The following MYBPC2 variants were observed in gnomAD, a reference collection of about 807,000 sequenced individuals.
MYBPC2 encodes myosin binding protein C2, also known as myosin-binding protein C, fast-type.
A neutral mutation model predicts 137.0 loss-of-function variants in MYBPC2; 122 were observed. That is an observed-to-expected ratio of 0.89 (90% confidence interval 0.77 to 1.03). MYBPC2 has a LOEUF of 1.03. Among genes scored for constraint, MYBPC2 ranks in the 50% least tolerant of loss-of-function variants. The pLI, the probability that MYBPC2 is intolerant of heterozygous loss-of-function variation, is 0.00. For missense variants in MYBPC2, 1,500 were observed against 1,534.4 expected (o/e 0.98, Z 0.37); for synonymous variants, 626 against 612.3 (o/e 1.02, Z -0.33).
At position 50,454,271 on chromosome 19, in the gene MYBPC2, C is replaced by T. The variant is rs781519827; in HGVS notation, c.1916C>T (p.Pro639Leu). 2 of 1,613,918 alleles carry T rather than the reference C, an allele frequency of 1.2e-6. No homozygotes were observed. Among genetic ancestry groups the T allele is most frequent in the Admixed American group, 3.3e-5 (2 of 60,002 alleles). ...ACTCTCCTGCCCCCTGCAGATGTCC[C>T]AGACCCCCCGGAGGCTGTGCGCATC... Reference protein sequence around the residue: ...ASIFLQVVDVPDPPEAVRITS... With the variant: ...ASIFLQVVDVLDPPEAVRITS... The change falls in exon 18 of 28, where the codon CCA becomes CTA. Residue 639 changes from proline (P) to leucine (L), a missense_variant. By Grantham distance (98) the Pro-to-Leu change is moderately conservative. Coordinates refer to ENST00000357701, the MANE Select transcript of MYBPC2 (RefSeq NM_004533.4).
At position 50,435,264 on chromosome 19, in the gene MYBPC2, C is replaced by T. The variant is rs759135087; in HGVS notation, c.109+14C>T. The T allele has an allele frequency of 1.8e-6, 2 of 1,085,306 alleles. No individual in the cohort carries two copies. Among genetic ancestry groups the T allele is most frequent in the African/African-American group, 1.6e-5 (1 of 64,254 alleles). 67.2% of individuals were successfully genotyped at this position (1,085,306 alleles called of 1,614,324 possible). A position where few individuals can be genotyped will look rare whatever the true frequency, so the allele number is the denominator to read the frequency against. On this transcript the variant is annotated intron_variant, in intron 2 of 27. Transcript: ENST00000357701. This position sits in a 1 kb window ranked among gnomAD's most constrained non-coding sequence, Gnocchi z 4.8. ...AGGCCCCCAAAGGTGAGGAGGTGCT[C>T]CCTCGGGCTCAACCGACCTGGCTTC...
intron 11 of MYBPC2, among the ~76,000 whole-genome samples, chr19:50,444,158 CCA>C (rs2039781053): frequency 2.0e-5 from 3 of 149,100 alleles, no homozygotes; most frequent in Admixed American, 2.0e-4. Flanking sequence ...ATCCATCCAT[CCA>C]TCCATCCATC....
rs749313978 is a variant in MYBPC2 at position 50,455,642 on chromosome 19, G to A, written c.2336G>A (p.Gly779Asp). Residue 779 changes from glycine (G) to aspartate (D), a missense_variant and splice_region_variant, in exon 20 of 28, where the codon GGC (glycine) becomes GAC (aspartate). Transcript: ENST00000357701. The part of the protein sequence containing the change: ...DGYLVEYCLE[G>D]SEEWVPANTE... ...TACCTGGTGGAGTACTGCCTGGAAG[G>A]CTGTGAGTGACCCTGGCAGGGCTGG... The A allele has an allele frequency of 2.5e-6, 4 of 1,613,602 alleles. No individual in the cohort carries two copies. In the Admixed American group the frequency reaches 6.7e-5, roughly 27 times the overall value.
At chr19:50,456,738 G>T (rs2039918257) in intron 20 of MYBPC2, among the ~76,000 whole-genome samples, 2 of 152,088 alleles carry the variant, frequency 1.3e-5, no homozygotes, top group South Asian at 4.2e-4. Context: ...ACCCGGCCCA[G>T]TATCATTTTT....
intron 7 of MYBPC2, 130 bp from the exon 8 acceptor site, chr19:50,440,750 G>A (rs1040454651): frequency 1.1e-6 from 1 of 888,880 alleles, no homozygotes; most frequent in Non-Finnish European, 1.7e-6. Context: ...AATGGACCAG[G>A]CGGGAAACAA....
chr19:50,442,713 C>G (rs1469129493), intron 9 of MYBPC2, among the ~76,000 whole-genome samples: 1 of 152,002 alleles, frequency 6.6e-6, no homozygotes, highest in Non-Finnish European at 1.5e-5. Flanking sequence ...GCCTGGGCGA[C>G]AGAGTGAGAC....
At chr19:50,438,972 C>T (rs1207528546) in intron 7 of MYBPC2, among the ~76,000 whole-genome samples, 1 of 152,152 alleles carries the variant, frequency 6.6e-6, no homozygotes, top group Non-Finnish European at 1.5e-5. Flanking sequence ...ATATCCCTGA[C>T]AATTCCATTT....
intron 20 of MYBPC2, among the ~76,000 whole-genome samples, chr19:50,456,731 C>T (rs145705737): frequency 7.2e-5 from 11 of 152,146 alleles, no homozygotes; most frequent in East Asian, 1.9e-4. Flanking sequence ...CCATCGCACC[C>T]GGCCCAGTAT....
chr19:50,450,524 T>C (rs10405839), intron 13 of MYBPC2, among the ~76,000 whole-genome samples: 112,146 of 152,056 alleles, frequency 0.74, 42,131 homozygotes, highest in African/African-American at 0.89. Context: ...GATCCTCAGC[T>C]TCCCAAAGTG....
At position 50,465,983 on chromosome 19, in the gene MYBPC2, A is replaced by G. The variant is rs1346409983; in HGVS notation, c.3416-212A>G. ...AGGATTCCAGTGACCGCGTACAGCCAGCAGCTCAGAATGTCCCCATCTGGG... is the reference window on the plus strand; with the variant it reads ...AGGATTCCAGTGACCGCGTACAGCCGGCAGCTCAGAATGTCCCCATCTGGG... On this transcript the variant is annotated intron_variant, in intron 27 of 27. Coordinates refer to ENST00000357701, the MANE Select transcript of MYBPC2 (RefSeq NM_004533.4). This position sits in a 1 kb window ranked among gnomAD's most constrained non-coding sequence, Gnocchi z 4.5. Among the ~76,000 whole-genome samples the G allele has an allele frequency of 6.6e-6, 1 of 152,190 alleles. No individual in the cohort carries two copies. Among genetic ancestry groups the G allele is most frequent in the Non-Finnish European group, 1.5e-5 (1 of 68,028 alleles).
At chr19:50,437,841 G>C in intron 7 of MYBPC2, 123 bp downstream of exon 7, 2 of 1,109,138 alleles carry the variant, frequency 1.8e-6, no homozygotes, top group Non-Finnish European at 1.3e-6. Context: ...ACCTCCATCT[G>C]TTCACTCCCT....
At chr19:50,460,324 G>T in intron 24 of MYBPC2, 145 bp downstream of exon 24, 1 of 1,161,402 alleles carries the variant, frequency 8.6e-7, no homozygotes. Flanking sequence ...TTTTAGCTGA[G>T]ACTTGGCACG....
Position 50,450,955 on chromosome 19 carries a change from C to T in MYBPC2, c.1579+20C>T. The T allele has an allele frequency of 1.9e-6, 3 of 1,549,398 alleles. No individual in the cohort carries two copies. Among genetic ancestry groups the T allele is most frequent in the Non-Finnish European group, 1.7e-6 (2 of 1,144,202 alleles). ...TCCTGGGTGAGGATGCCCCTTCCTCCTTCCCTGGGGGCTGTAGGATCCACC... is the reference window on the plus strand; with the variant it reads ...TCCTGGGTGAGGATGCCCCTTCCTCTTTCCCTGGGGGCTGTAGGATCCACC... On this transcript the variant is annotated intron_variant, in intron 14 of 27. Transcript: ENST00000357701.
At chr19:50,453,091 C>T (rs2039875904) in intron 16 of MYBPC2, among the ~76,000 whole-genome samples, 1 of 152,134 alleles carries the variant, frequency 6.6e-6, no homozygotes, top group Non-Finnish European at 1.5e-5. Flanking sequence ...TCCTGCCCTC[C>T]AAGAGCCTTC....
Position 50,458,605 on chromosome 19 carries a change from C to T in MYBPC2, c.2357C>T (p.Ala786Val). The T allele has an allele frequency of 6.2e-7, 1 of 1,612,410 alleles. No homozygotes were observed. Among genetic ancestry groups the T allele is most frequent in the Non-Finnish European group, 8.5e-7 (1 of 1,179,880 alleles). Reference sequence around the variant, plus strand: ...TCTCCAGCCGAGGAATGGGTCCCTGCCAACACCGAGCCCGTGGAGCGCTGT... The same window carrying T: ...TCTCCAGCCGAGGAATGGGTCCCTGTCAACACCGAGCCCGTGGAGCGCTGT... ...CLEGSEEWVP[A>V]NTEPVERCGF... Residue 786 changes from alanine to valine, a missense_variant, in exon 21 of 28, where the codon GCC becomes GTC. Transcript: ENST00000357701.
intron 20 of MYBPC2, among the ~76,000 whole-genome samples, 158 bp from the exon 21 acceptor site, chr19:50,458,429 T>G (rs2039933597): frequency 1.3e-5 from 2 of 150,470 alleles, no homozygotes; most frequent in African/African-American, 4.9e-5. Context: ...AACCTGGCCA[T>G]GATGAATGCT....
chr19:50,458,308 T>C (rs1206927465), intron 20 of MYBPC2, among the ~76,000 whole-genome samples: 24 of 86,006 alleles, frequency 2.8e-4, no homozygotes, highest in African/African-American at 1.1e-3. Flanking sequence ...AGACTCCACC[T>C]AAAAAAAAAA....
At chr19:50,451,333 G>A in intron 15 of MYBPC2, 24 bp downstream of exon 15, 1 of 1,612,692 alleles carries the variant, frequency 6.2e-7, no homozygotes, top group African/African-American at 1.3e-5. Context: ...GCTGCGCTGG[G>A]AGCGGGTCTG....
intron 1 of MYBPC2, among the ~76,000 whole-genome samples, chr19:50,434,887 G>A (rs181417004): frequency 4.4e-4 from 67 of 152,248 alleles, no homozygotes; most frequent in African/African-American, 1.6e-3. Flanking sequence ...TGGCCTGGGC[G>A]GATGGGGCAG....
Sources: gnomAD v4.1 joint callset for allele counts (sites outside exome capture counted in the v4.1 genomes callset) on GRCh38, gnomAD v4.1.1 for gene constraint, Gnocchi (gnomAD v3.1) non-coding constraint, MANE v1.5 for transcripts, NCBI Gene and HGNC (gene_info 2026-07-23, HGNC 2026-07-21) for gene names.